The following HEPACAM2 variants were observed in gnomAD, a reference collection of about 807,000 sequenced individuals.
HEPACAM2 encodes HEPACAM family member 2, also known as mitotic kinetics regulator.
Under a neutral mutation model 49.6 loss-of-function variants are expected in HEPACAM2, and 49 were observed. That is an observed-to-expected ratio of 0.99 (90% CI 0.78 to 1.25). The LOEUF (loss-of-function observed/expected upper bound fraction) is 1.25. Among genes scored for constraint, HEPACAM2 ranks in the 50% most tolerant of loss-of-function variants. The probability of loss-of-function intolerance (pLI) is 0.00; values close to 1 mark genes in which losing one functional copy is unlikely to be tolerated. For synonymous variants in HEPACAM2, 197 were observed against 202.9 expected (o/e 0.97, Z 0.25); for missense variants, 525 against 557.2 (o/e 0.94, Z 0.58).
intron 4 of HEPACAM2, among the ~76,000 whole-genome samples, chr7:93,201,888 C>T (rs1793893204): frequency 6.8e-6 from 1 of 147,056 alleles, no homozygotes; most frequent in Non-Finnish European, 1.5e-5. Context: ...TAGAGGTGCA[C>T]TTTTGGAAGC....
chr7:93,203,944 T>C (rs1293771998), intron 4 of HEPACAM2, among the ~76,000 whole-genome samples: 1 of 152,122 alleles, frequency 6.6e-6, no homozygotes, highest in African/African-American at 2.4e-5. Context: ...TGGATGCTCA[T>C]GGAGACATCA....
Position 93,208,614 on chromosome 7 carries a change from A to G in HEPACAM2, c.978T>C (p.Asp326=). 6.2e-7 allele frequency: 1 copy of G among 1,612,958 alleles called. No homozygotes were observed. The highest frequency in any genetic ancestry group is 1.1e-5 in the South Asian group (1 of 90,986). Reference sequence around the variant, plus strand: ...TGATGATAACTGTGAAATGAGTTTCATCTTGCCTGCCGGTTATGTTGTTGT... The same window carrying G: ...TGATGATAACTGTGAAATGAGTTTCGTCTTGCCTGCCGGTTATGTTGTTGT... ...CAYNNITGRQ[D]ETHFTVIITS... Residue 326 remains aspartate, a synonymous_variant, in exon 4 of 10, where the codon GAT becomes GAC. Transcript: ENST00000394468.
chr7:93,218,447 T>A (rs749446589), intron 2 of HEPACAM2, among the ~76,000 whole-genome samples: 2 of 151,840 alleles, frequency 1.3e-5, no homozygotes, highest in Non-Finnish European at 2.9e-5. Flanking sequence ...AAAGAGGAGG[T>A]CAACGGTGAC....
chr7:93,195,814 C>T lies in HEPACAM2; in HGVS notation c.1275+14G>A, dbSNP rs1297542793. On this transcript the variant is annotated intron_variant, in intron 8 of 9. Coordinates refer to ENST00000394468, the MANE Select transcript of HEPACAM2 (RefSeq NM_001039372.4). The stretch of plus-strand genomic sequence containing the variant: ...ATTCTACTTCTCGGTTAATCAGCCA[C>T]TAGGAAAACCAACCCTGGAAACACC... The T allele has an allele frequency of 6.2e-7, 1 of 1,606,052 alleles. No individual in the cohort carries two copies. The highest frequency in any genetic ancestry group is 8.5e-7 in the Non-Finnish European group (1 of 1,173,594).
intron 4 of HEPACAM2, among the ~76,000 whole-genome samples, chr7:93,202,044 A>AAAAAAAAAAAAAACAAAAAAAAAAAC (rs1793906221): frequency 6.8e-6 from 1 of 147,770 alleles, no homozygotes; most frequent in Non-Finnish European, 1.5e-5. Flanking sequence ...AAAAAAAAAA[A>AAAAAAAAAAAAAACAAAAAAAAAAAC]AAAAACCACA....
At chr7:93,214,417 T>C (rs1794252445) in intron 3 of HEPACAM2, among the ~76,000 whole-genome samples, 1 of 152,168 alleles carries the variant, frequency 6.6e-6, no homozygotes, top group Non-Finnish European at 1.5e-5. Context: ...AAGCCACATT[T>C]GTAAATTGTC....
At chr7:93,214,611 C>T (rs1033116379) in intron 3 of HEPACAM2, among the ~76,000 whole-genome samples, 9 of 152,020 alleles carry the variant, frequency 5.9e-5, no homozygotes, top group Non-Finnish European at 1.0e-4. Context: ...CAAATAACAT[C>T]GTGAAGGAAA....
upstream of HEPACAM2, among the ~76,000 whole-genome samples, chr7:93,227,103 C>A (rs1237867843): frequency 6.6e-6 from 1 of 152,048 alleles, no homozygotes; most frequent in African/African-American, 2.4e-5. Flanking sequence ...ATGGACCATG[C>A]ATAATTATAA....
chr7:93,219,079 C>T (rs370653873), intron 2 of HEPACAM2, 22 bp downstream of exon 2: 52 of 1,602,494 alleles, frequency 3.2e-5, no homozygotes, highest in African/African-American at 4.0e-5. Context: ...CTGCTGCCCT[C>T]GTACACTCAC....
In HEPACAM2 at chr7:93,188,723, A is replaced by G; in HGVS notation, c.*544T>C. On this transcript the variant is annotated 3_prime_UTR_variant, in exon 10 of 10. Transcript: ENST00000394468. ...TGGTGATTGAAAAAAAAGAGAAGGC[A>G]TAGTTTTGTTTTTGTGACAACCATC... The G allele has an allele frequency of 3.3e-6, 1 of 303,016 alleles. No homozygotes were observed. The highest frequency in any genetic ancestry group is 6.0e-6 in the Non-Finnish European group (1 of 167,054). The allele number at this position is 303,016 out of a possible 1,614,324, so 18.8% of individuals were successfully genotyped here. A position where few individuals can be genotyped will look rare whatever the true frequency, so the allele number is the denominator to read the frequency against.
chr7:93,194,490 T>G (rs1256722937), intron 8 of HEPACAM2, among the ~76,000 whole-genome samples: 1 of 152,116 alleles, frequency 6.6e-6, no homozygotes, highest in African/African-American at 2.4e-5. Context: ...GAGCCAATCC[T>G]GCCTGAGATT....
intron 2 of HEPACAM2, among the ~76,000 whole-genome samples, chr7:93,217,585 T>C (rs1794334601): frequency 6.6e-6 from 1 of 152,120 alleles, no homozygotes; most frequent in Non-Finnish European, 1.5e-5. Flanking sequence ...GCATCTTTAC[T>C]CCTCTGAAGC....
intron 3 of HEPACAM2, among the ~76,000 whole-genome samples, chr7:93,210,820 G>T (rs1355880013): frequency 6.6e-6 from 1 of 151,878 alleles, no homozygotes; most frequent in Non-Finnish European, 1.5e-5. Flanking sequence ...TCAATCACTA[G>T]CTAGGCATTC....
At chr7:93,216,786 A>T (rs766967502) in intron 2 of HEPACAM2, among the ~76,000 whole-genome samples, 10 of 152,224 alleles carry the variant, frequency 6.6e-5, no homozygotes, top group Non-Finnish European at 1.2e-4. Flanking sequence ...AGGATGATAC[A>T]TAAGTGAGAG....
At chr7:93,192,435 T>C in intron 8 of HEPACAM2, 72 bp from the exon 9 acceptor site, 2 of 1,131,332 alleles carry the variant, frequency 1.8e-6, no homozygotes, top group Non-Finnish European at 2.6e-6. Context: ...TGTTGCATAG[T>C]TGAAAACAAC....
intron 1 of HEPACAM2, chr7:93,225,901 A>G (rs1490906149): frequency 2.1e-6 from 3 of 1,411,782 alleles, no homozygotes; most frequent in Non-Finnish European, 2.8e-6. Flanking sequence ...CATATTTCAT[A>G]AGATGAGACA....
At chr7:93,193,386 GT>G (rs1164628857) in intron 8 of HEPACAM2, among the ~76,000 whole-genome samples, 1 of 152,104 alleles carries the variant, frequency 6.6e-6, no homozygotes, top group Admixed American at 6.6e-5. Context: ...GATATTTGTT[GT>G]ATGAAGGTAT....
At chr7:93,219,482 C>T (rs1378059218) in intron 1 of HEPACAM2, 31 bp from the exon 2 acceptor site, 3 of 1,612,192 alleles carry the variant, frequency 1.9e-6, no homozygotes, top group South Asian at 2.2e-5. Context: ...GTTGTGAAGA[C>T]CTTGAGCCAC....
chr7:93,196,390 C>T (rs1257901302), intron 7 of HEPACAM2, among the ~76,000 whole-genome samples: 1 of 152,136 alleles, frequency 6.6e-6, no homozygotes, highest in Non-Finnish European at 1.5e-5. Context: ...TATCAATCCA[C>T]ATAAACTATC....
Sources: allele counts gnomAD v4.1 joint callset (sites outside exome capture counted in the v4.1 genomes callset), GRCh38; gene constraint gnomAD v4.1.1; transcripts MANE v1.5; gene names NCBI Gene and HGNC (gene_info 2026-07-23, HGNC 2026-07-21).